ECE1: variants seen among roughly 807,000 people sequenced by gnomAD.
ECE1 encodes endothelin-converting enzyme 1.
ECE1 carries 35 observed loss-of-function variants against 98.6 expected under a neutral mutation model. The ratio of observed to expected loss-of-function variants is 0.35; its 90% confidence interval spans 0.27 to 0.47. The LOEUF (loss-of-function observed/expected upper bound fraction) is 0.47. Ranked by LOEUF, ECE1 falls within the 20% of genes least tolerant of loss-of-function variation. The probability of loss-of-function intolerance (pLI) is 1.00; values close to 1 mark genes in which losing one functional copy is unlikely to be tolerated. For synonymous variants in ECE1, 394 were observed against 407.1 expected, an observed-to-expected ratio of 0.97 and a Z score of 0.39; for missense variants, 814 against 1,025.3, an observed-to-expected ratio of 0.79 and a Z score of 2.81.
At position 21,234,096 on chromosome 1, in the gene ECE1, C is replaced by T. The variant is rs377594310; in HGVS notation, c.1567-435G>A. Among the ~76,000 whole-genome samples the T allele has an allele frequency of 2.0e-5, 3 of 151,926 alleles. 1 individual carries two copies. The highest frequency in any genetic ancestry group is 4.1e-4 in the South Asian group (2 of 4,824). On this transcript the variant is annotated intron_variant, in intron 13 of 18. Transcript: ENST00000374893. ...TCCACCTCCTGGTTTAAGTGATTCTCGTGCCTCAGCCTCCCAGAGTAGCTG... is the reference window on the plus strand; with the variant it reads ...TCCACCTCCTGGTTTAAGTGATTCTTGTGCCTCAGCCTCCCAGAGTAGCTG...
intron 4 of ECE1, among the ~76,000 whole-genome samples, chr1:21,263,896 C>T (rs1053693442): frequency 2.0e-5 from 3 of 152,188 alleles, no homozygotes; most frequent in Non-Finnish European, 4.4e-5. Context: ...TTCCTCCTCA[C>T]TCAGGGAGCA....
intron 1 of ECE1, among the ~76,000 whole-genome samples, chr1:21,326,585 G>GA (rs965027697): frequency 2.0e-5 from 3 of 152,060 alleles, no homozygotes; most frequent in Non-Finnish European, 4.4e-5. Context: ...CAGGTTCGAG[G>GA]AGATGAGGTT....
rs563574733 is a variant in ECE1, at chr1:21,241,554, C to T, written c.1279-3310G>A. On this transcript the variant is annotated intron_variant, in intron 10 of 18. Coordinates refer to ENST00000374893, the MANE Select transcript of ECE1 (RefSeq NM_001397.3). ...TCTCCTGCCTCAGCCTCCCATGTAG[C>T]TGGGATTACAGGTGTGTGTCACTAC... Among the ~76,000 whole-genome samples, 25 of 151,896 alleles carry T rather than the reference C, an allele frequency of 1.6e-4. 1 individual carries two copies. The East Asian group carries it at 4.5e-3, about 27-fold the overall frequency.
Position 21,233,278 on chromosome 1 carries a change from C to T in ECE1, c.1670+280G>A, listed in dbSNP as rs756622317. The stretch of plus-strand genomic sequence containing the variant: ...GGCTCCAAATCCCAAAGCAGTGGAG[C>T]GGAGACAAGGTGCCAGATCGGCTCC... On this transcript the variant is annotated intron_variant, in intron 14 of 18. Coordinates refer to ENST00000374893, the MANE Select transcript of ECE1 (RefSeq NM_001397.3). The surrounding 1 kb of genome is among the most constrained non-coding windows in gnomAD (Gnocchi z 4.0). 103 of 387,976 alleles carry T rather than the reference C, an allele frequency of 2.7e-4. 2 individuals are homozygous for T. Among genetic ancestry groups the T allele is most frequent in the South Asian group, 9.2e-4 (32 of 34,854 alleles). The allele number at this position is 387,976 out of a possible 1,614,324, so 24.0% of individuals were successfully genotyped here.
intron 4 of ECE1, chr1:21,266,617 G>C (rs564466543): frequency 6.6e-6 from 1 of 152,348 alleles, no homozygotes; most frequent in East Asian, 1.9e-4. Context: ...TATCAAGGCA[G>C]AGCTAGCGGG....
In ECE1 at chr1:21,238,170, A is replaced by G. The variant is rs757067227; in HGVS notation, c.1353T>C (p.Phe451=). 5.0e-6 allele frequency: 8 copies of G among 1,614,236 alleles called. No individual in the cohort carries two copies. The East Asian group carries it at 1.8e-4, about 36-fold the overall frequency. The part of the protein sequence containing the change: ...NNLGFALGPM[F]VKATFAEDSK... ...TGTCCTCGGCGAAGGTTGCTTTGACAAACATGGGGCCCAACGCAAAGCCCA... is the reference window on the plus strand; with the variant it reads ...TGTCCTCGGCGAAGGTTGCTTTGACGAACATGGGGCCCAACGCAAAGCCCA... The change falls in exon 11 of 19, where the codon TTT becomes TTC. Residue 451 remains phenylalanine (F), a synonymous_variant. Coordinates refer to ENST00000374893, the MANE Select transcript of ECE1 (RefSeq NM_001397.3).
At chr1:21,331,380 G>A (rs939843675) in intron 1 of ECE1, among the ~76,000 whole-genome samples, 3 of 152,056 alleles carry the variant, frequency 2.0e-5, no homozygotes, top group African/African-American at 7.2e-5. Flanking sequence ...CTCCAGACTG[G>A]CGACAGAGTG....
At chr1:21,317,817 C>T (rs1391847067) in intron 1 of ECE1, among the ~76,000 whole-genome samples, 1 of 152,204 alleles carries the variant, frequency 6.6e-6, no homozygotes, top group African/African-American at 2.4e-5. Flanking sequence ...AAGAGCTGTG[C>T]AGGCTCAGAC....
intron 1 of ECE1, among the ~76,000 whole-genome samples, chr1:21,331,127 G>A (rs1491000644): frequency 6.6e-6 from 1 of 152,130 alleles, no homozygotes; most frequent in Non-Finnish European, 1.5e-5. Flanking sequence ...ATTAGGCCAG[G>A]CACGGTGGCT....
rs1178101367 is a variant in ECE1 at position 21,327,107 on chromosome 1, C to T, written c.3+18269G>A. On this transcript the variant is annotated intron_variant, in intron 1 of 18. Transcript: ENST00000415912. The surrounding 1 kb of genome is among the most constrained non-coding windows in gnomAD (Gnocchi z 4.6). ...CCTCCCTGTAGATGCTTCAAAGCAC[C>T]CCACTCCCTTGAAGCTGCCAGACTC... 1.3e-5 allele frequency among the ~76,000 whole-genome samples: 2 copies of T among 152,142 alleles called. No homozygotes were observed. The highest frequency in any genetic ancestry group is 2.1e-4 in the South Asian group (1 of 4,834).
At position 21,218,561 on chromosome 1, in the gene ECE1, T is replaced by A. The variant is rs1178687333; in HGVS notation, c.*1394A>T. The A allele has an allele frequency of 6.6e-6, 1 of 152,390 alleles. No homozygotes were observed. The highest frequency in any genetic ancestry group is 1.5e-5 in the Non-Finnish European group (1 of 68,234). The allele number at this position is 152,390 out of a possible 1,614,324, so 9.4% of individuals were successfully genotyped here. ...GATGACGGTGCTCAGAGAGAGGATT[T>A]GGGTCCTGCGGGAGGTGACAGCTGT... On this transcript the variant is annotated 3_prime_UTR_variant, in exon 19 of 19. Coordinates refer to ENST00000374893, the MANE Select transcript of ECE1 (RefSeq NM_001397.3). This position sits in a 1 kb window ranked among gnomAD's most constrained non-coding sequence, Gnocchi z 4.0.
intron 1 of ECE1, among the ~76,000 whole-genome samples, chr1:21,331,984 C>A (rs1639208476): frequency 6.6e-6 from 1 of 152,166 alleles, no homozygotes; most frequent in Non-Finnish European, 1.5e-5. Flanking sequence ...TCAGAAGCAA[C>A]CTGCCAGCCC....
chr1:21,335,120 C>T (rs1239004848), intron 1 of ECE1, among the ~76,000 whole-genome samples: 1 of 152,128 alleles, frequency 6.6e-6, no homozygotes, highest in African/African-American at 2.4e-5. Flanking sequence ...AGCGTTCACC[C>T]CCTACATGTG....
rs150589399 is a variant in ECE1 at position 21,300,887 on chromosome 1, C to G, written c.4-10731G>C. On this transcript the variant is annotated intron_variant, in intron 1 of 18. Transcript: ENST00000415912. The stretch of plus-strand genomic sequence containing the variant: ...CTACTGAGCCTGTTTCCTAGGAGTA[C>G]AATGAAAATATAAGGTGCTTTGTAT... 4.0e-3 allele frequency among the ~76,000 whole-genome samples: 612 copies of G among 152,272 alleles called. 9 individuals are homozygous for G. The highest frequency in any genetic ancestry group is 4.6e-3 in the Non-Finnish European group (313 of 68,026).
chr1:21,311,797 G>C (rs1355313321), intron 1 of ECE1, among the ~76,000 whole-genome samples: 2 of 150,638 alleles, frequency 1.3e-5, no homozygotes, highest in African/African-American at 4.9e-5. Flanking sequence ...GCCTGAAAGA[G>C]TGAAATCCTG....
chr1:21,272,985 G>C (rs530940730), intron 3 of ECE1, 74 bp from the exon 4 acceptor site: 3 of 1,527,698 alleles, frequency 2.0e-6, no homozygotes, highest in Non-Finnish European at 2.7e-6. Context: ...AAGGGGGCTT[G>C]GGGCCCAGGG....
In ECE1 at chr1:21,319,451, T is replaced by A. The variant is rs1449088914; in HGVS notation, c.3+25925A>T. Among the ~76,000 whole-genome samples the A allele has an allele frequency of 6.6e-6, 1 of 152,184 alleles. No homozygotes were observed. The highest frequency in any genetic ancestry group is 1.5e-5 in the Non-Finnish European group (1 of 68,032). ...CCTCGTGTCTAAATGGCCTGGTACA[T>A]ACTAGGGCCTCCATAAATGCCGGCT... On this transcript the variant is annotated intron_variant, in intron 1 of 18. Coordinates refer to the ECE1 transcript ENST00000415912. This position sits in a 1 kb window ranked among gnomAD's most constrained non-coding sequence, Gnocchi z 4.4.
At position 21,229,002 on chromosome 1, in the gene ECE1, C is replaced by T. The variant is rs539751146; in HGVS notation, c.1671-961G>A. 5.3e-5 allele frequency among the ~76,000 whole-genome samples: 8 copies of T among 151,380 alleles called. No individual in the cohort carries two copies. In the East Asian group the frequency reaches 8.0e-4, roughly 15 times the overall value. ...GACTACAGGCGCCCACCACCTTGCC[C>T]GGCTGATTTTTTGTATTTTTAGTAG... is the stretch of plus-strand genomic sequence containing the variant. On this transcript the variant is annotated intron_variant, in intron 14 of 18. Transcript: ENST00000374893.
intron 8 of ECE1, among the ~76,000 whole-genome samples, chr1:21,249,909 G>T (rs2098210023): frequency 6.6e-6 from 1 of 151,422 alleles, no homozygotes; most frequent in South Asian, 2.1e-4. Context: ...AAGTAGCTGG[G>T]ACTACAGGCA....
Sources: allele counts gnomAD v4.1 joint callset (sites outside exome capture counted in the v4.1 genomes callset), GRCh38; gene constraint gnomAD v4.1.1; non-coding constraint Gnocchi (gnomAD v3.1); transcripts MANE v1.5; gene names NCBI Gene and HGNC (gene_info 2026-07-23, HGNC 2026-07-21).